The following NDUFA2 variants were observed in gnomAD, a reference collection of about 807,000 sequenced individuals.
The protein encoded by NDUFA2 is NADH:ubiquinone oxidoreductase subunit A2.
NDUFA2 carries 9 observed loss-of-function variants against 11.4 expected under a neutral mutation model. That is an observed-to-expected ratio of 0.79 (90% CI 0.48 to 1.38). The LOEUF (loss-of-function observed/expected upper bound fraction) is 1.38. Among genes scored for constraint, NDUFA2 ranks in the 40% most tolerant of loss-of-function variants. NDUFA2 has a pLI of 0.00. For missense variants in NDUFA2, 150 were observed against 131.2 expected, an observed-to-expected ratio of 1.14 and a Z score of -0.70; for synonymous variants, 49 against 54.0, an observed-to-expected ratio of 0.91 and a Z score of 0.41.
chr5:140,646,932 C>T, intron 2 of NDUFA2: 1 of 260,704 alleles, frequency 3.8e-6, no homozygotes, highest in Non-Finnish European at 7.4e-6. Context: ...CACACACTAC[C>T]TGGACTGACA....
rs779202580 is a variant in NDUFA2 at position 140,645,702 on chromosome 5, T to C, written c.209-24A>G. The C allele has an allele frequency of 8.1e-6, 13 of 1,614,198 alleles. No homozygotes were observed. The East Asian group carries it at 2.9e-4, about 36-fold the overall frequency. On this transcript the variant is annotated intron_variant, in intron 2 of 2. Transcript: ENST00000252102. Reference sequence around the variant, plus strand: ...TGCTGAAGAGAGAGAGGGAGGTGTCTTTAACTATTCTGCACCCTGGAGGCT... The same window carrying C: ...TGCTGAAGAGAGAGAGGGAGGTGTCCTTAACTATTCTGCACCCTGGAGGCT...
rs753293407 is a variant in NDUFA2 at position 140,647,314 on chromosome 5, G to A, written c.150C>T (p.Asp50=). 23 of 1,594,418 alleles carry A rather than the reference G, an allele frequency of 1.4e-5. No individual in the cohort carries two copies. The Admixed American group carries it at 2.0e-4, about 14-fold the overall frequency. ...RYVELKKANP[D]LPILIRECSD... is the part of the protein sequence containing the mutation. ...AGCATTCGCGGATTAGGATGGGTAG[G>A]TCGGGATTCGCCTTCTTCAGCTCCA... The change falls in exon 2 of 3, where the codon GAC becomes GAT. Residue 50 remains aspartate, a synonymous_variant. Coordinates refer to ENST00000252102, the MANE Select transcript of NDUFA2 (RefSeq NM_002488.5).
rs990176305 is a variant in NDUFA2, at chr5:140,645,343, A to C, written c.*244T>G. 1.3e-6 allele frequency: 1 copy of C among 742,418 alleles called. No homozygotes were observed. Among genetic ancestry groups the C allele is most frequent in the African/African-American group, 1.7e-5 (1 of 57,644 alleles). The allele number at this position is 742,418 out of a possible 1,614,324, so 46.0% of individuals were successfully genotyped here. On this transcript the variant is annotated 3_prime_UTR_variant, in exon 3 of 3. Coordinates refer to ENST00000252102, the MANE Select transcript of NDUFA2 (RefSeq NM_002488.5). ...AATCCCTGCCCCCCCGCCACCCTTC[A>C]TGTTTGCTTCAGCAGCTGGTAGCTT...
Position 140,645,667 on chromosome 5 carries a change from CTT to C in NDUFA2, c.218_219del (p.Gln73ArgfsTer12). 6.2e-7 allele frequency: 1 copy of C among 1,614,186 alleles called. No homozygotes were observed. The highest frequency in any genetic ancestry group is 8.5e-7 in the Non-Finnish European group (1 of 1,180,028). On this transcript the variant is annotated frameshift_variant, in exon 3 of 3. Coordinates refer to ENST00000252102, the MANE Select transcript of NDUFA2 (RefSeq NM_002488.5). LOFTEE classifies it high-confidence loss of function. Reference sequence around the variant, plus strand: ...AAGTTGTTCAAAGGGACATTCGTCTCTTGGCCAAATGCTGAAGAGAGAGAGGG... The same window carrying C: ...AAGTTGTTCAAAGGGACATTCGTCTCGGCCAAATGCTGAAGAGAGAGAGGG... ...PKLWARYAFG[Q>X]ETNVPLNNFS...
At chr5:140,646,921 TCA>T (rs1443266584) in intron 2 of NDUFA2, 2 of 224,406 alleles carry the variant, frequency 8.9e-6, no homozygotes, top group Admixed American at 5.1e-5. Flanking sequence ...ACTGAGATTC[TCA>T]CACACTACCT....
intron 1 of NDUFA2, 55 bp downstream of exon 1, chr5:140,647,428 G>A (rs771180779): frequency 6.2e-7 from 1 of 1,609,488 alleles, no homozygotes; most frequent in Non-Finnish European, 8.5e-7. Context: ...CAGGGAGGTC[G>A]AGGTCGTGAC....
At chr5:140,647,457 G>T in intron 1 of NDUFA2, 26 bp downstream of exon 1, 1 of 1,606,206 alleles carries the variant, frequency 6.2e-7, no homozygotes. Context: ...CCCGAAGCCC[G>T]CCCGCCTCAC....
rs1440146660 is a variant in NDUFA2, at chr5:140,647,362, C to T, written c.102G>A (p.Arg34=). 6.2e-7 allele frequency: 1 copy of T among 1,610,284 alleles called. No individual in the cohort carries two copies. Among genetic ancestry groups the T allele is most frequent in the Admixed American group, 1.7e-5 (1 of 59,794 alleles). The stretch of plus-strand genomic sequence containing the variant: ...CCACGTAGCGTTTCTCAATGAAGTC[C>T]CTGCGGGGCCGGAGAGAGCGCCGCG... ...CQRSPGSQGV[R]DFIEKRYVEL... The change falls in exon 2 of 3, where the codon AGG becomes AGA. Residue 34 remains arginine (R), a splice_region_variant and synonymous_variant. Coordinates refer to ENST00000252102, the MANE Select transcript of NDUFA2 (RefSeq NM_002488.5).
Position 140,645,419 on chromosome 5 carries a change from G to C in NDUFA2, c.*168C>G. Reference sequence around the variant, plus strand: ...TTTTATATTAAGCTACTTTGCCTCAGTGGTTGCACAGTAAGGGGTAGAGGG... The same window carrying C: ...TTTTATATTAAGCTACTTTGCCTCACTGGTTGCACAGTAAGGGGTAGAGGG... On this transcript the variant is annotated 3_prime_UTR_variant, in exon 3 of 3. Transcript: ENST00000252102. 1 of 893,584 alleles carries C rather than the reference G, an allele frequency of 1.1e-6. No individual in the cohort carries two copies. Among genetic ancestry groups the C allele is most frequent in the Non-Finnish European group, 1.8e-6 (1 of 558,508 alleles). 55.4% of individuals were successfully genotyped at this position (893,584 alleles called of 1,614,324 possible).
rs1561962369 is a variant in NDUFA2, at chr5:140,645,594, T to TTA, written c.291_292dup (p.Lys98IlefsTer10). 2 of 1,614,148 alleles carry TTA rather than the reference T, an allele frequency of 1.2e-6. No individual in the cohort carries two copies. Among genetic ancestry groups the TTA allele is most frequent in the Admixed American group, 3.3e-5 (2 of 60,014 alleles). ...TAATCCTCAGTGGAGGCTTCAGGCT[T>TTA]TACCACTTAGAACGTTCTCCAGGGC... On this transcript the variant is annotated frameshift_variant, in exon 3 of 3. Transcript: ENST00000252102. LOFTEE classifies it high-confidence loss of function.
Position 140,647,483 on chromosome 5 carries a change from C to G in NDUFA2, c.101G>C (p.Arg34Thr). The change falls in exon 1 of 3, where the codon AGG becomes ACG. Residue 34 changes from arginine to threonine, a missense_variant and splice_region_variant. Coordinates refer to ENST00000252102, the MANE Select transcript of NDUFA2 (RefSeq NM_002488.5). ...CQRSPGSQGV[R>T]DFIEKRYVEL... is the part of the protein sequence containing the mutation. ...CCCGCCTCACCACGCCGCGCCTCAC[C>G]TGACGCCCTGGCTGCCGGGCGAGCG... The G allele has an allele frequency of 6.2e-7, 1 of 1,612,406 alleles. No homozygotes were observed. Among genetic ancestry groups the G allele is most frequent in the Non-Finnish European group, 8.5e-7 (1 of 1,179,904 alleles).
rs1246570603 is a variant in NDUFA2, at chr5:140,645,660, T to C, written c.227A>G (p.Asn76Ser). ...AGCACTGAAGTTGTTCAAAGGGACA[T>C]TCGTCTCTTGGCCAAATGCTGAAGA... is the stretch of plus-strand genomic sequence containing the variant. ...WARYAFGQET[N>S]VPLNNFSADQ... The change falls in exon 3 of 3, where the codon AAT becomes AGT. Residue 76 changes from asparagine (N) to serine (S), a missense_variant. Physicochemically the swap from Asn to Ser is conservative, Grantham distance 46. Coordinates refer to ENST00000252102, the MANE Select transcript of NDUFA2 (RefSeq NM_002488.5). 6 of 1,614,192 alleles carry C rather than the reference T, an allele frequency of 3.7e-6. No homozygotes were observed. Among genetic ancestry groups the C allele is most frequent in the Non-Finnish European group, 5.1e-6 (6 of 1,180,014 alleles).
chr5:140,645,955 A>G (rs1757368520), intron 2 of NDUFA2, among the ~76,000 whole-genome samples: 1 of 150,878 alleles, frequency 6.6e-6, no homozygotes, highest in East Asian at 1.9e-4. Flanking sequence ...ATTATTAACT[A>G]CGGTGAGCAA....
chr5:140,647,207 ACCCT>A, intron 2 of NDUFA2, 45 bp downstream of exon 2: 1 of 1,513,646 alleles, frequency 6.6e-7, no homozygotes, highest in South Asian at 1.3e-5. Flanking sequence ...CTCTTCTCAA[ACCCT>A]TGTTCCCCTA....
At chr5:140,647,032 C>T (rs559435640) in intron 2 of NDUFA2, 8 of 515,070 alleles carry the variant, frequency 1.6e-5, no homozygotes, top group Non-Finnish European at 3.4e-6. Flanking sequence ...AGCTCCTGGT[C>T]CCTACGCAGG....
At chr5:140,645,937 A>T (rs981916944) in intron 2 of NDUFA2, among the ~76,000 whole-genome samples, 1 of 151,548 alleles carries the variant, frequency 6.6e-6, no homozygotes, top group Non-Finnish European at 1.5e-5. Context: ...GGGGCACTGT[A>T]GGCATTTATT....
chr5:140,647,571 C>T lies in NDUFA2; in HGVS notation c.13G>A (p.Ala5Thr), dbSNP rs1241930955. ...TTTGCCCCGACTCCTCGACTTGCTG[C>T]GGCCGCCGCCATCCTTGTTAATATC... MAAA[A>T]ASRGVGAKLG... The change falls in exon 1 of 3, where the codon GCA (alanine) becomes ACA (threonine). Residue 5 changes from alanine to threonine, a missense_variant. Physicochemically the swap from Ala to Thr is moderately conservative, Grantham distance 58. Transcript: ENST00000252102. 2.5e-6 allele frequency: 4 copies of T among 1,610,210 alleles called. No individual in the cohort carries two copies. Among genetic ancestry groups the T allele is most frequent in the Non-Finnish European group, 3.4e-6 (4 of 1,179,934 alleles).
chr5:140,647,559 C>T lies in NDUFA2; in HGVS notation c.25G>A (p.Gly9Arg), dbSNP rs1208388889. Residue 9 changes from glycine (G) to arginine (R), a missense_variant, in exon 1 of 3, where the codon GGA becomes AGA. Physicochemically the swap from Gly to Arg is moderately radical, Grantham distance 125 (BLOSUM62 -2). Coordinates refer to ENST00000252102, the MANE Select transcript of NDUFA2 (RefSeq NM_002488.5). Reference sequence around the variant, plus strand: ...CGCAGGCCCAGCTTTGCCCCGACTCCTCGACTTGCTGCGGCCGCCGCCATC... The same window carrying T: ...CGCAGGCCCAGCTTTGCCCCGACTCTTCGACTTGCTGCGGCCGCCGCCATC... MAAAAASR[G>R]VGAKLGLREI... 3 of 1,611,378 alleles carry T rather than the reference C, an allele frequency of 1.9e-6. No individual in the cohort carries two copies. In the African/African-American group the frequency reaches 4.0e-5, roughly 22 times the overall value.
chr5:140,646,687 G>A (rs1177030591), intron 2 of NDUFA2, among the ~76,000 whole-genome samples: 1 of 152,170 alleles, frequency 6.6e-6, no homozygotes, highest in Non-Finnish European at 1.5e-5. Flanking sequence ...AGAGGGGTAA[G>A]TGCATTCTAG....
Sources: allele counts gnomAD v4.1 joint callset (sites outside exome capture counted in the v4.1 genomes callset), GRCh38; gene constraint gnomAD v4.1.1; transcripts MANE v1.5; gene names NCBI Gene and HGNC (gene_info 2026-07-23, HGNC 2026-07-21).